MYO16: variants seen among roughly 807,000 people sequenced by gnomAD.
MYO16 encodes unconventional myosin-XVI.
MYO16 carries 94 observed loss-of-function variants against 205.3 expected under a neutral mutation model. The ratio of observed to expected loss-of-function variants is 0.46; its 90% CI spans 0.39 to 0.54. MYO16 has a LOEUF of 0.54. MYO16 is among the 20% of genes least tolerant of loss of function. The pLI, the probability that MYO16 is intolerant of heterozygous loss-of-function variation, is 0.00. For missense variants in MYO16, 2,315 were observed against 2,387.5 expected (o/e 0.97, Z 0.63); for synonymous variants, 988 against 954.0 (o/e 1.04, Z -0.66).
chr13:108,871,342 G>C (rs1224512722), intron 12 of MYO16, among the ~76,000 whole-genome samples: 5 of 142,858 alleles, frequency 3.5e-5, no homozygotes, highest in Admixed American at 1.4e-4. Flanking sequence ...GTGTGTGTGT[G>C]TGTGTGTGTG....
intron 34 of MYO16, among the ~76,000 whole-genome samples, chr13:109,194,843 G>C (rs2139954170): frequency 6.6e-6 from 1 of 152,216 alleles, no homozygotes; most frequent in East Asian, 1.9e-4. Flanking sequence ...TCTAAAGAAA[G>C]TGGCAAGAGA....
Position 108,883,085 on chromosome 13 carries a change from A to G in MYO16, c.1452A>G (p.Ser484=), listed in dbSNP as rs1040753089. 1.2e-6 allele frequency: 2 copies of G among 1,613,874 alleles called. No individual in the cohort carries two copies. Among genetic ancestry groups the G allele is most frequent in the Non-Finnish European group, 8.5e-7 (1 of 1,179,940 alleles). ...TGTCCCAGCTGTATTTCAGCTCCTC[A>G]GGGAAGCTGTGTTCCTCGCTGCCTC... is the stretch of plus-strand genomic sequence containing the variant. ...SMVSQLYFSS[S]GKLCSSLPPH... Residue 484 remains serine, a synonymous_variant, in exon 13 of 35, where the codon TCA becomes TCG. Transcript: ENST00000457511.
chr13:109,114,772 C>CA (rs547393301), intron 28 of MYO16, among the ~76,000 whole-genome samples: 104 of 152,208 alleles, frequency 6.8e-4, no homozygotes, highest in African/African-American at 2.5e-3. Context: ...ACCATGTGAC[C>CA]TGAGCTTTCT....
chr13:109,059,848 G>T (rs558801439), intron 27 of MYO16, among the ~76,000 whole-genome samples: 1 of 152,176 alleles, frequency 6.6e-6, no homozygotes, highest in Non-Finnish European at 1.5e-5. Flanking sequence ...CCTGTGTCCT[G>T]AGTGGTATTG....
chr13:108,746,450 G>A (rs929993308), intron 4 of MYO16, among the ~76,000 whole-genome samples: 2 of 151,938 alleles, frequency 1.3e-5, no homozygotes, highest in African/African-American at 4.8e-5. Flanking sequence ...ATAAGATGTA[G>A]AATTTAATAG....
At chr13:108,806,543 G>A (rs1225541827) in intron 6 of MYO16, 136 bp from the exon 7 acceptor site, 8 of 597,564 alleles carry the variant, frequency 1.3e-5, no homozygotes, top group Non-Finnish European at 1.9e-5. Context: ...AAAATTGCAT[G>A]TATGTTCTTT....
At chr13:109,147,419 C>T (rs899148588) in intron 32 of MYO16, among the ~76,000 whole-genome samples, 1 of 152,180 alleles carries the variant, frequency 6.6e-6, no homozygotes, top group Non-Finnish European at 1.5e-5. Flanking sequence ...GTGCAAATTG[C>T]TATTCTCTGC....
intron 22 of MYO16, 148 bp from the exon 23 acceptor site, chr13:109,019,563 A>G (rs1885949009): frequency 1.6e-6 from 1 of 627,228 alleles, no homozygotes; most frequent in Admixed American, 3.1e-5. Context: ...GTGGGGTAGA[A>G]ATAGAAATAT....
At chr13:108,817,152 G>A (rs986037154) in intron 7 of MYO16, among the ~76,000 whole-genome samples, 3 of 152,052 alleles carry the variant, frequency 2.0e-5, no homozygotes, top group Non-Finnish European at 2.9e-5. Context: ...ATAAAGTTAA[G>A]TATACACTTA....
chr13:108,676,403 G>GTGTTTGTGTGTT (rs1555337834), intron 2 of MYO16, among the ~76,000 whole-genome samples: 1 of 148,224 alleles, frequency 6.7e-6, no homozygotes, highest in Admixed American at 6.8e-5. Context: ...GTGTGTGTGT[G>GTGTTTGTGTGTT]TGTGCCAGCC....
At chr13:108,646,843 G>A (rs900490735) in intron 1 of MYO16, among the ~76,000 whole-genome samples, 1 of 151,886 alleles carries the variant, frequency 6.6e-6, no homozygotes, top group Non-Finnish European at 1.5e-5. Flanking sequence ...TATATAATAG[G>A]ATGAAACTTC....
At chr13:108,796,975 C>T (rs1370268668) in intron 6 of MYO16, among the ~76,000 whole-genome samples, 1 of 151,746 alleles carries the variant, frequency 6.6e-6, no homozygotes, top group Non-Finnish European at 1.5e-5. Flanking sequence ...CTGAAAAGGA[C>T]AGGGGTAAAC....
intron 31 of MYO16, among the ~76,000 whole-genome samples, chr13:109,131,823 C>T (rs1191690514): frequency 6.6e-6 from 1 of 152,202 alleles, no homozygotes; most frequent in African/African-American, 2.4e-5. Context: ...TGCAGCCTTT[C>T]TCCCAAAGAC....
intron 16 of MYO16, among the ~76,000 whole-genome samples, chr13:108,956,931 A>G (rs1375712549): frequency 1.3e-5 from 2 of 152,164 alleles, no homozygotes; most frequent in Admixed American, 6.5e-5. Context: ...TGATTCGTAC[A>G]TGTTTGTTGA....
At chr13:108,904,790 G>T (rs2139220785) in intron 15 of MYO16, among the ~76,000 whole-genome samples, 1 of 152,142 alleles carries the variant, frequency 6.6e-6, no homozygotes, top group East Asian at 1.9e-4. Context: ...TCCCCTTATG[G>T]ATACATGACC....
At chr13:108,836,251 C>T (rs1876911438) in intron 9 of MYO16, among the ~76,000 whole-genome samples, 1 of 152,184 alleles carries the variant, frequency 6.6e-6, no homozygotes, top group African/African-American at 2.4e-5. Context: ...AGCCCCAAGC[C>T]TTGGTGGAAT....
chr13:109,202,424 C>T (rs1022084768), intron 34 of MYO16, among the ~76,000 whole-genome samples: 1 of 152,086 alleles, frequency 6.6e-6, no homozygotes, highest in African/African-American at 2.4e-5. Context: ...GTATCACATT[C>T]TGGTTTTGAT....
intron 16 of MYO16, among the ~76,000 whole-genome samples, chr13:108,922,276 G>A (rs1481049862): frequency 6.9e-6 from 1 of 145,470 alleles, no homozygotes; most frequent in Non-Finnish European, 1.5e-5. Context: ...AAAGAGGACT[G>A]CAGAGCCCTG....
At chr13:108,658,921 A>G (rs1451767326) in intron 1 of MYO16, among the ~76,000 whole-genome samples, 2 of 152,100 alleles carry the variant, frequency 1.3e-5, no homozygotes, top group African/African-American at 4.8e-5. Context: ...GCTCTTAGTA[A>G]TGTTTTGCCT....
Sources: gnomAD v4.1 joint callset for allele counts (sites outside exome capture counted in the v4.1 genomes callset) on GRCh38, gnomAD v4.1.1 for gene constraint, MANE v1.5 for transcripts, NCBI Gene and HGNC (gene_info 2026-07-23, HGNC 2026-07-21) for gene names.